The following PTPRT variants were observed in gnomAD, a reference collection of about 807,000 sequenced individuals.
PTPRT encodes the protein receptor-type tyrosine-protein phosphatase T.
In PTPRT, 56 loss-of-function variants were observed where a neutral mutation model predicts 176.8. The observed-to-expected ratio is 0.32, with a 90% CI of 0.26 to 0.40. PTPRT has a LOEUF of 0.40. Ranked by LOEUF, PTPRT falls within the 10% of genes least tolerant of loss-of-function variation. The pLI is 1.00. For synonymous variants in PTPRT, 783 were observed against 739.0 expected (o/e 1.06, Z -0.96); for missense variants, 1,540 against 1,908.2 (o/e 0.81, Z 3.60).
intron 26 of PTPRT, among the ~76,000 whole-genome samples, chr20:42,099,372 G>A (rs1985637841): frequency 6.6e-6 from 1 of 152,112 alleles, no homozygotes; most frequent in Non-Finnish European, 1.5e-5. Flanking sequence ...CAGCAAACAA[G>A]AGCCGGAACG....
At chr20:42,711,741 C>CT (rs1041106128) in intron 6 of PTPRT, among the ~76,000 whole-genome samples, 87 of 149,602 alleles carry the variant, frequency 5.8e-4, no homozygotes, top group African/African-American at 1.6e-3. Flanking sequence ...ACAAATTGAA[C>CT]TTTTTTTTTT....
At chr20:43,057,937 C>T (rs1987307726) in intron 1 of PTPRT, among the ~76,000 whole-genome samples, 1 of 152,140 alleles carries the variant, frequency 6.6e-6, no homozygotes, top group Non-Finnish European at 1.5e-5. Context: ...AATGCCTAAC[C>T]CAGTGCTTAG....
intron 19 of PTPRT, among the ~76,000 whole-genome samples, chr20:42,121,988 T>C (rs1307235628): frequency 6.6e-6 from 1 of 152,068 alleles, no homozygotes; most frequent in Non-Finnish European, 1.5e-5. Flanking sequence ...ATGTAAAGTG[T>C]GGAATCGTAG....
intron 8 of PTPRT, among the ~76,000 whole-genome samples, chr20:42,469,865 G>A (rs997873994): frequency 9.2e-5 from 14 of 152,208 alleles, no homozygotes; most frequent in Admixed American, 5.2e-4. Context: ...AGGGTGAGAA[G>A]AGGCTGGCAC....
chr20:43,028,541 G>T (rs2223557), intron 1 of PTPRT, among the ~76,000 whole-genome samples: 1 of 152,188 alleles, frequency 6.6e-6, no homozygotes, highest in South Asian at 2.1e-4. Context: ...CTTTTAAAAT[G>T]ACATAAGCAC....
intron 15 of PTPRT, among the ~76,000 whole-genome samples, chr20:42,223,073 T>C (rs1398818871): frequency 6.6e-6 from 1 of 152,210 alleles, no homozygotes; most frequent in Non-Finnish European, 1.5e-5. Flanking sequence ...TCCATGTTGA[T>C]GACTGTGGTA....
chr20:42,097,646 C>A lies in PTPRT; in HGVS notation c.3846+775G>T, dbSNP rs556777993. ...GGAGGGCTGAAACTATAGCTCAGGT[C>A]TGTTTAAAAAATTTTTAAATTCCCA... On this transcript the variant is annotated intron_variant, in intron 27 of 30. Transcript: ENST00000373187. 3.9e-5 allele frequency among the ~76,000 whole-genome samples: 6 copies of A among 152,318 alleles called. No homozygotes were observed. The South Asian group carries it at 1.0e-3, about 26-fold the overall frequency.
At chr20:42,846,724 G>T (rs1324750842) in intron 2 of PTPRT, among the ~76,000 whole-genome samples, 1 of 152,160 alleles carries the variant, frequency 6.6e-6, no homozygotes, top group Non-Finnish European at 1.5e-5. Flanking sequence ...TTCCCATGTG[G>T]CTAGTTGGCT....
chr20:42,507,050 T>G (rs2071858310), intron 7 of PTPRT, among the ~76,000 whole-genome samples: 1 of 152,106 alleles, frequency 6.6e-6, no homozygotes, highest in Non-Finnish European at 1.5e-5. Context: ...TGAGACCTCA[T>G]TATGCAGGAG....
chr20:42,431,094 T>C (rs1186922936), intron 9 of PTPRT, among the ~76,000 whole-genome samples: 2 of 152,238 alleles, frequency 1.3e-5, no homozygotes, highest in Non-Finnish European at 2.9e-5. Flanking sequence ...AACTTTGACA[T>C]TGAATGGATA....
chr20:42,954,947 AGAG>A (rs984230317), intron 1 of PTPRT, among the ~76,000 whole-genome samples: 2 of 151,604 alleles, frequency 1.3e-5, no homozygotes, highest in African/African-American at 4.9e-5. Context: ...GGGAGAAGGG[AGAG>A]GAGAAGGTTA....
chr20:42,999,435 T>C (rs1984403892), intron 1 of PTPRT, among the ~76,000 whole-genome samples: 1 of 148,254 alleles, frequency 6.7e-6, no homozygotes, highest in African/African-American at 2.5e-5. Context: ...AAGCAAATTA[T>C]AGTGGTGGGG....
intron 2 of PTPRT, among the ~76,000 whole-genome samples, chr20:42,857,084 A>T (rs1246038803): frequency 6.6e-6 from 1 of 152,238 alleles, no homozygotes; most frequent in Non-Finnish European, 1.5e-5. Context: ...TGTTTTCCAC[A>T]TTAGCTGCAC....
intron 7 of PTPRT, among the ~76,000 whole-genome samples, chr20:42,654,823 T>A (rs762777070): frequency 2.0e-5 from 3 of 152,212 alleles, no homozygotes; most frequent in Non-Finnish European, 2.9e-5. Flanking sequence ...ATCTGGAAGG[T>A]CATACTCTCC....
At chr20:42,762,007 T>C (rs1434488804) in intron 5 of PTPRT, among the ~76,000 whole-genome samples, 8 of 151,768 alleles carry the variant, frequency 5.3e-5, no homozygotes, top group South Asian at 2.1e-4. Context: ...GAATATCTAA[T>C]GATAACTTGC....
At chr20:42,902,643 A>G (rs2079421298) in intron 1 of PTPRT, among the ~76,000 whole-genome samples, 1 of 152,216 alleles carries the variant, frequency 6.6e-6, no homozygotes, top group Admixed American at 6.5e-5. Flanking sequence ...TTGTCCTTAG[A>G]GAAGCCCTGT....
chr20:43,156,336 T>A (rs1289755608), intron 1 of PTPRT, among the ~76,000 whole-genome samples: 1 of 152,068 alleles, frequency 6.6e-6, no homozygotes, highest in African/African-American at 2.4e-5. Flanking sequence ...ATGAGAAAAC[T>A]GAGACCCAAA....
intron 19 of PTPRT, among the ~76,000 whole-genome samples, chr20:42,126,220 G>A (rs1170597806): frequency 1.3e-5 from 2 of 152,132 alleles, no homozygotes; most frequent in Non-Finnish European, 2.9e-5. Flanking sequence ...TTGATAAGCT[G>A]ACTTACTTGA....
intron 1 of PTPRT, among the ~76,000 whole-genome samples, chr20:43,063,031 C>T (rs145222333): frequency 6.6e-5 from 10 of 152,192 alleles, no homozygotes; most frequent in African/African-American, 2.2e-4. Flanking sequence ...CAGAAAATTG[C>T]TTTGTGGAAA....
Sources: gnomAD v4.1 joint callset for allele counts (sites outside exome capture counted in the v4.1 genomes callset) on GRCh38, gnomAD v4.1.1 for gene constraint, MANE v1.5 for transcripts, NCBI Gene and HGNC (gene_info 2026-07-23, HGNC 2026-07-21) for gene names.